The following CCDC30 variants were observed in gnomAD, a reference collection of about 807,000 sequenced individuals.
The protein encoded by CCDC30 is coiled-coil domain containing 30.
Under a neutral mutation model 100.2 loss-of-function variants are expected in CCDC30, and 70 were observed. The observed-to-expected ratio is 0.70, with a 90% CI of 0.58 to 0.85. The LOEUF (loss-of-function observed/expected upper bound fraction) is 0.85. Ranked by LOEUF, CCDC30 falls within the 40% of genes least tolerant of loss-of-function variation. The pLI is 0.00. For missense variants in CCDC30, 652 were observed against 771.2 expected (o/e 0.85, Z 1.83); for synonymous variants, 233 against 269.5 (o/e 0.86, Z 1.33).
At chr1:42,564,262 A>G (rs1253215739) in intron 6 of CCDC30, among the ~76,000 whole-genome samples, 1 of 152,202 alleles carries the variant, frequency 6.6e-6, no homozygotes, top group East Asian at 1.9e-4. Flanking sequence ...AAGAAGCCTG[A>G]TAGGAAAGTG....
intron 3 of CCDC30, among the ~76,000 whole-genome samples, chr1:42,484,078 G>GTTTATGA (rs780181863): frequency 0.13 from 19,508 of 151,630 alleles, 1,420 homozygotes; most frequent in East Asian, 0.18. Flanking sequence ...CATTAAAAAT[G>GTTTATGA]TTAAATGTAT....
Position 42,610,804 on chromosome 1 carries a change from A to T in CCDC30, c.1165-174A>T, listed in dbSNP as rs933274430. The stretch of plus-strand genomic sequence containing the variant: ...GGGGAAGCAAAAGGCAAGGGGAAAT[A>T]GTTGCTGACTTTCAGAAAATCTGGA... On this transcript the variant is annotated intron_variant, in intron 10 of 16. Coordinates refer to ENST00000668663, the Ensembl canonical transcript of CCDC30. Among the ~76,000 whole-genome samples the T allele has an allele frequency of 3.6e-4, 55 of 151,858 alleles. 3 individuals carry two copies. Among genetic ancestry groups the T allele is most frequent in the Non-Finnish European group, 7.4e-5 (5 of 67,976 alleles).
chr1:42,502,454 G>T (rs142110271), intron 6 of CCDC30, among the ~76,000 whole-genome samples: 1 of 152,150 alleles, frequency 6.6e-6, no homozygotes, highest in Non-Finnish European at 1.5e-5. Context: ...GCCCTGCTTC[G>T]GCTCGTGCTC....
At chr1:42,639,914 C>A (rs1647266141) in intron 12 of CCDC30, among the ~76,000 whole-genome samples, 1 of 146,126 alleles carries the variant, frequency 6.8e-6, no homozygotes, top group East Asian at 2.0e-4. Flanking sequence ...TGCAGTGAGC[C>A]AAGATTGCAC....
chr1:42,604,492 T>A (rs1646466495), intron 10 of CCDC30, among the ~76,000 whole-genome samples: 1 of 152,174 alleles, frequency 6.6e-6, no homozygotes, highest in Non-Finnish European at 1.5e-5. Context: ...ACTGAGGAGA[T>A]TCAGAAACAT....
chr1:42,482,044 C>T (rs1643968233), intron 2 of CCDC30, among the ~76,000 whole-genome samples: 2 of 151,988 alleles, frequency 1.3e-5, no homozygotes, highest in South Asian at 4.1e-4. Context: ...TGGTGACATC[C>T]CATCTCTACT....
At chr1:42,605,149 T>G (rs1475568947) in intron 10 of CCDC30, among the ~76,000 whole-genome samples, 1 of 152,214 alleles carries the variant, frequency 6.6e-6, no homozygotes, top group Non-Finnish European at 1.5e-5. Flanking sequence ...GCTTGACCTC[T>G]GACACTGTGT....
chr1:42,459,339 T>A (rs1188663255), upstream of CCDC30: 2 of 402,022 alleles, frequency 5.0e-6, no homozygotes, highest in African/African-American at 4.0e-5. Context: ...ATTTTTGTAT[T>A]TTTTTGTAGA....
intron 1 of CCDC30, among the ~76,000 whole-genome samples, chr1:42,479,900 C>G (rs1189243725): frequency 9.9e-5 from 15 of 152,018 alleles, no homozygotes; most frequent in Non-Finnish European, 5.9e-5. Flanking sequence ...CGTGGGCTGG[C>G]AGGGAAGTGA....
chr1:42,623,599 A>C (rs1010864809), intron 11 of CCDC30, among the ~76,000 whole-genome samples: 1 of 152,084 alleles, frequency 6.6e-6, no homozygotes, highest in Non-Finnish European at 1.5e-5. Flanking sequence ...CTATGTGTCT[A>C]TTTTTATGCC....
chr1:42,457,442 T>C, the CCDC30 span: 1 of 1,100,644 alleles, frequency 9.1e-7, no homozygotes, highest in South Asian at 1.3e-5. Context: ...TCTGCATCTG[T>C]ATTCGCTAGG....
At position 42,627,848 on chromosome 1, in the gene CCDC30, G is replaced by C. The variant is rs1288818567; in HGVS notation, c.1278-9389G>C. Among the ~76,000 whole-genome samples, 3 of 152,230 alleles carry C rather than the reference G, an allele frequency of 2.0e-5. 1 individual carries two copies. The highest frequency in any genetic ancestry group is 4.1e-4 in the South Asian group (2 of 4,834). Reference sequence around the variant, plus strand: ...CTGGATGCCCAGGCAAAAGTTTGCTGTAGGGATAGGAACTTCTGCTAGGGC... The same window carrying C: ...CTGGATGCCCAGGCAAAAGTTTGCTCTAGGGATAGGAACTTCTGCTAGGGC... On this transcript the variant is annotated intron_variant, in intron 11 of 16. Transcript: ENST00000668663.
chr1:42,614,655 T>A (rs182492228), intron 11 of CCDC30, among the ~76,000 whole-genome samples: 55 of 151,814 alleles, frequency 3.6e-4, no homozygotes, highest in Non-Finnish European at 5.4e-4. Context: ...GGCATGGTGG[T>A]GCACATCTGT....
intron 10 of CCDC30, chr1:42,592,602 A>C (rs1464431655): frequency 6.6e-6 from 1 of 152,216 alleles, no homozygotes; most frequent in Non-Finnish European, 1.5e-5. Context: ...AGTCTCAGCT[A>C]TTCAGGAGGC....
At chr1:42,636,431 C>G (rs1647157599) in intron 11 of CCDC30, among the ~76,000 whole-genome samples, 1 of 151,680 alleles carries the variant, frequency 6.6e-6, no homozygotes. Flanking sequence ...AGAAGAGGTC[C>G]AGACTCAATG....
chr1:42,637,138 T>C, intron 11 of CCDC30, 99 bp from the exon 16 acceptor site: 1 of 944,028 alleles, frequency 1.1e-6, no homozygotes, highest in South Asian at 1.6e-5. Context: ...GTTCCCTGAC[T>C]TAAGCAAGAA....
intron 1 of CCDC30, among the ~76,000 whole-genome samples, chr1:42,467,120 T>C (rs2148433549): frequency 6.6e-6 from 1 of 152,276 alleles, no homozygotes; most frequent in East Asian, 1.9e-4. Flanking sequence ...ATGGCTAATG[T>C]CAAGGTGCGG....
chr1:42,513,559 C>G (rs1014397201), intron 6 of CCDC30, among the ~76,000 whole-genome samples: 5 of 152,004 alleles, frequency 3.3e-5, no homozygotes, highest in African/African-American at 1.2e-4. Flanking sequence ...TGCCGGCATT[C>G]ACCTGTGCAA....
exon 10 of CCDC30, chr1:42,589,393 G>A: frequency 6.2e-7 from 1 of 1,613,624 alleles, no homozygotes; most frequent in Non-Finnish European, 8.5e-7. Flanking sequence ...AAAATCTACT[G>A]GAAATGACCT....
Sources: allele counts gnomAD v4.1 joint callset (sites outside exome capture counted in the v4.1 genomes callset), GRCh38; gene constraint gnomAD v4.1.1; transcripts MANE v1.5; gene names NCBI Gene and HGNC (gene_info 2026-07-23, HGNC 2026-07-21).